Variants in VAV2 observed in about 807,000 individuals in gnomAD.
The protein encoded by VAV2 is guanine nucleotide exchange factor VAV2.
Under a neutral mutation model 132.5 loss-of-function variants are expected in VAV2, and 67 were observed. The observed-to-expected ratio is 0.51, with a 90% CI of 0.42 to 0.62. VAV2 has a LOEUF of 0.62. VAV2 is among the 20% of genes least tolerant of loss of function. The pLI is 0.00. For missense variants in VAV2, 938 were observed against 1,153.6 expected (o/e 0.81, Z 2.71); for synonymous variants, 492 against 443.5 (o/e 1.11, Z -1.37).
intron 1 of VAV2, among the ~76,000 whole-genome samples, chr9:133,954,806 C>A (rs1300841503): frequency 6.6e-6 from 1 of 151,996 alleles, no homozygotes; most frequent in Non-Finnish European, 1.5e-5. Flanking sequence ...GATGTATGTA[C>A]CAGTGTATGT....
chr9:133,928,190 C>T lies in VAV2; in HGVS notation c.321+10913G>A, dbSNP rs71483215. Among the ~76,000 whole-genome samples the T allele has an allele frequency of 3.0e-3, 16 of 5,298 alleles. No individual in the cohort carries two copies. Among genetic ancestry groups the T allele is most frequent in the East Asian group, 0.33 (2 of 6 alleles). 3.5% of individuals were successfully genotyped at this position (5,298 alleles called of 152,430 possible). A position where few individuals can be genotyped will look rare whatever the true frequency, so the allele number is the denominator to read the frequency against. ...GACTCCGTGTGTGTGTGTGTGTGTG[C>T]GTGCATGTGTGTATGTCTGTGTGTG... On this transcript the variant is annotated intron_variant, in intron 2 of 29. Transcript: ENST00000371850. The surrounding 1 kb of genome is among the most constrained non-coding windows in gnomAD (Gnocchi z 5.4).
intron 2 of VAV2, among the ~76,000 whole-genome samples, chr9:133,869,146 T>C (rs1021347271): frequency 1.3e-5 from 2 of 152,046 alleles, no homozygotes; most frequent in Non-Finnish European, 2.9e-5. Context: ...TACAGGCAAG[T>C]GTTACCACAC....
chr9:133,782,170 T>C (rs1834034500), intron 19 of VAV2, among the ~76,000 whole-genome samples: 1 of 152,164 alleles, frequency 6.6e-6, no homozygotes, highest in African/African-American at 2.4e-5. Flanking sequence ...TACCGAAACA[T>C]TGCCTTTCAT....
At chr9:133,937,487 T>A (rs1246671969) in intron 2 of VAV2, among the ~76,000 whole-genome samples, 2 of 88,710 alleles carry the variant, frequency 2.3e-5, no homozygotes, top group Non-Finnish European at 5.0e-5. Context: ...GTGGGGTGGG[T>A]GCAAGAGTGT....
chr9:133,822,652 T>C (rs1030507700), intron 4 of VAV2, among the ~76,000 whole-genome samples: 2 of 152,110 alleles, frequency 1.3e-5, no homozygotes, highest in African/African-American at 4.8e-5. Context: ...CCAAGCCACA[T>C]AGGCGGGTAC....
In VAV2 at chr9:133,983,934, A is replaced by G. The variant is rs116658689; in HGVS notation, c.204+8141T>C. ...TATTTTTCCTAATCTCCCTCCCTGCATGAAATTTTCATACTGCAGGTGCAC... is the reference window on the plus strand; with the variant it reads ...TATTTTTCCTAATCTCCCTCCCTGCGTGAAATTTTCATACTGCAGGTGCAC... On this transcript the variant is annotated intron_variant, in intron 1 of 29. Coordinates refer to ENST00000371850, the MANE Select transcript of VAV2 (RefSeq NM_001134398.2). 7.3e-3 allele frequency among the ~76,000 whole-genome samples: 1,116 copies of G among 152,228 alleles called. 10 individuals carry two copies. Among genetic ancestry groups the G allele is most frequent in the African/African-American group, 0.025 (1,049 of 41,526 alleles).
At chr9:133,945,426 C>T (rs866332500) in intron 1 of VAV2, among the ~76,000 whole-genome samples, 3 of 152,210 alleles carry the variant, frequency 2.0e-5, no homozygotes, top group Admixed American at 6.5e-5. Context: ...AACTAACTAG[C>T]ACGCATGCGC....
chr9:133,882,710 T>C (rs12002767), intron 2 of VAV2, among the ~76,000 whole-genome samples: 22,079 of 152,148 alleles, frequency 0.15, 1,723 homozygotes, highest in South Asian at 0.22. Context: ...TACTTGGCTA[T>C]GGCAGAGAGT....
intron 2 of VAV2, among the ~76,000 whole-genome samples, chr9:133,875,687 A>C (rs1411323862): frequency 6.6e-6 from 1 of 152,220 alleles, no homozygotes; most frequent in African/African-American, 2.4e-5. Context: ...CACCGCAGGA[A>C]CACACGCGAG....
At position 133,879,877 on chromosome 9, in the gene VAV2, T is replaced by C. The variant is rs186455536; in HGVS notation, c.322-18445A>G. ...ACGAAGCTCTGGCATCCAGATTTGCTTCCAAGCGGTTTTACCTTGATGACT... is the reference window on the plus strand; with the variant it reads ...ACGAAGCTCTGGCATCCAGATTTGCCTCCAAGCGGTTTTACCTTGATGACT... On this transcript the variant is annotated intron_variant, in intron 2 of 29. Coordinates refer to ENST00000371850, the MANE Select transcript of VAV2 (RefSeq NM_001134398.2). The surrounding 1 kb of genome is among the most constrained non-coding windows in gnomAD (Gnocchi z 4.4). Among the ~76,000 whole-genome samples the C allele has an allele frequency of 8.2e-3, 1,251 of 152,336 alleles. 35 individuals are homozygous for C. Among genetic ancestry groups the C allele is most frequent in the Admixed American group, 0.053 (814 of 15,298 alleles).
In VAV2 at chr9:133,840,754, G is replaced by A. The variant is rs969885972; in HGVS notation, c.381-6414C>T. Among the ~76,000 whole-genome samples the A allele has an allele frequency of 3.3e-5, 5 of 152,172 alleles. No individual in the cohort carries two copies. Among genetic ancestry groups the A allele is most frequent in the African/African-American group, 1.2e-4 (5 of 41,438 alleles). On this transcript the variant is annotated intron_variant, in intron 3 of 29. Transcript: ENST00000371850. This position sits in a 1 kb window ranked among gnomAD's most constrained non-coding sequence, Gnocchi z 4.5. ...AGGGAGAAGGAACAGCTTGAATCTC[G>A]CTTTGGGATAATAAATCAGGCTCCT... is the stretch of plus-strand genomic sequence containing the variant.
At chr9:133,953,129 C>A (rs4058720) in intron 1 of VAV2, among the ~76,000 whole-genome samples, 2 of 152,058 alleles carry the variant, frequency 1.3e-5, no homozygotes, top group Non-Finnish European at 2.9e-5. Flanking sequence ...CCTCCAGAGG[C>A]AGCACAGCCC....
intron 4 of VAV2, among the ~76,000 whole-genome samples, chr9:133,821,065 G>A (rs576694200): frequency 1.6e-4 from 25 of 152,318 alleles, no homozygotes; most frequent in Non-Finnish European, 2.6e-4. Context: ...GCCCTGCCAC[G>A]TCTGCAAGTG....
chr9:133,974,476 C>T (rs1403503855), intron 1 of VAV2, among the ~76,000 whole-genome samples: 1 of 152,166 alleles, frequency 6.6e-6, no homozygotes, highest in African/African-American at 2.4e-5. Flanking sequence ...TTGCTACCTG[C>T]TTTTGCGCTG....
chr9:133,943,883 T>G (rs542223352), intron 1 of VAV2, among the ~76,000 whole-genome samples: 1 of 152,234 alleles, frequency 6.6e-6, no homozygotes, highest in Admixed American at 6.5e-5. Context: ...TGAAATCGGA[T>G]TAGTGTGGTG....
At chr9:133,962,296 G>C (rs1841991297) in intron 1 of VAV2, among the ~76,000 whole-genome samples, 1 of 152,154 alleles carries the variant, frequency 6.6e-6, no homozygotes, top group African/African-American at 2.4e-5. Context: ...TCTTCTAGGA[G>C]GGCCTGGACT....
chr9:133,902,766 G>A (rs1246686848), intron 2 of VAV2, among the ~76,000 whole-genome samples: 3 of 152,096 alleles, frequency 2.0e-5, no homozygotes, highest in Non-Finnish European at 2.9e-5. Flanking sequence ...AATATGACCC[G>A]TGTCCTTATA....
rs1377341082 is a variant in VAV2, at chr9:133,918,349, C to T, written c.321+20754G>A. On this transcript the variant is annotated intron_variant, in intron 2 of 29. Coordinates refer to ENST00000371850, the MANE Select transcript of VAV2 (RefSeq NM_001134398.2). This position sits in a 1 kb window ranked among gnomAD's most constrained non-coding sequence, Gnocchi z 4.7. ...CTCCGAGCCTTGTGTCTGCATTTCC[C>T]GCACTTTCATCTGCTGGTCCGGACC... Among the ~76,000 whole-genome samples the T allele has an allele frequency of 2.6e-5, 4 of 152,140 alleles. No individual in the cohort carries two copies. The highest frequency in any genetic ancestry group is 2.1e-4 in the South Asian group (1 of 4,820).
chr9:133,878,234 C>T (rs193074350), intron 2 of VAV2, among the ~76,000 whole-genome samples: 1 of 152,304 alleles, frequency 6.6e-6, no homozygotes, highest in African/African-American at 2.4e-5. Context: ...GGCTCAGAGG[C>T]CAGGGACAGG....
Sources: allele counts gnomAD v4.1 joint callset (sites outside exome capture counted in the v4.1 genomes callset), GRCh38; gene constraint gnomAD v4.1.1; non-coding constraint Gnocchi (gnomAD v3.1); transcripts MANE v1.5; gene names NCBI Gene and HGNC (gene_info 2026-07-23, HGNC 2026-07-21).